The following CFAP299 variants were observed in gnomAD, a reference collection of about 807,000 sequenced individuals.
CFAP299 encodes cilia and flagella associated protein 299, also known as cilia- and flagella-associated protein 299.
A neutral mutation model predicts 27.0 loss-of-function variants in CFAP299; 21 were observed. That is an observed-to-expected ratio of 0.78 (90% CI 0.55 to 1.12). The LOEUF (loss-of-function observed/expected upper bound fraction) is 1.12. Ranked by LOEUF, CFAP299 falls within the 50% of genes most tolerant of loss-of-function variation. The pLI, the probability that CFAP299 is intolerant of heterozygous loss-of-function variation, is 0.00. For synonymous variants in CFAP299, 104 were observed against 98.1 expected (o/e 1.06, Z -0.36); for missense variants, 310 against 276.6 (o/e 1.12, Z -0.86).
chr4:80,376,937 C>G (rs1437272810), intron 2 of CFAP299, among the ~76,000 whole-genome samples: 1 of 152,074 alleles, frequency 6.6e-6, no homozygotes, highest in African/African-American at 2.4e-5. Context: ...TTTTTATGTG[C>G]TTATTTTCCA....
rs62303533 is a variant in CFAP299 at position 80,501,670 on chromosome 4, A to G, written c.243-81423A>G. On this transcript the variant is annotated intron_variant, in intron 2 of 5. Coordinates refer to ENST00000358105, the MANE Select transcript of CFAP299 (RefSeq NM_152770.3). ...GGATAAGCTTCTAAGAATTTGCTCA[A>G]CAGTTTGAATTTGTCTCAACATTTG... 9.0e-3 allele frequency among the ~76,000 whole-genome samples: 1,357 copies of G among 151,524 alleles called. 8 individuals carry two copies. Among genetic ancestry groups the G allele is most frequent in the Middle Eastern group, 0.024 (7 of 292 alleles).
chr4:80,426,181 T>A (rs541422990), intron 2 of CFAP299, among the ~76,000 whole-genome samples: 1 of 152,142 alleles, frequency 6.6e-6, no homozygotes, highest in South Asian at 2.1e-4. Flanking sequence ...ACATGTTAAC[T>A]ATTTCTATAT....
intron 3 of CFAP299, among the ~76,000 whole-genome samples, chr4:80,675,414 A>T (rs1287636105): frequency 6.6e-6 from 1 of 152,192 alleles, no homozygotes; most frequent in Non-Finnish European, 1.5e-5. Context: ...TTCCTCTGGA[A>T]GCTTCCTCCC....
At chr4:80,389,981 A>T (rs1252768058) in intron 2 of CFAP299, among the ~76,000 whole-genome samples, 2 of 152,118 alleles carry the variant, frequency 1.3e-5, no homozygotes, top group African/African-American at 4.8e-5. Context: ...TTCCAGAATT[A>T]TTAACATAGA....
chr4:80,746,237 C>T (rs17004984), intron 3 of CFAP299, among the ~76,000 whole-genome samples: 9,806 of 151,828 alleles, frequency 0.065, 387 homozygotes, highest in Middle Eastern at 0.088. Context: ...TAGAGAGTGT[C>T]GAAAGGATTT....
At chr4:80,792,153 G>A (rs1012142007) in intron 3 of CFAP299, among the ~76,000 whole-genome samples, 3 of 151,886 alleles carry the variant, frequency 2.0e-5, no homozygotes, top group African/African-American at 7.2e-5. Flanking sequence ...AAAATAAAAA[G>A]TTAAAATAAA....
rs371102129 is a variant in CFAP299, at chr4:80,655,214, A to G, written c.333+72031A>G. Among the ~76,000 whole-genome samples, 768 of 152,302 alleles carry G rather than the reference A, an allele frequency of 5.0e-3. 5 individuals carry two copies. Among genetic ancestry groups the G allele is most frequent in the Middle Eastern group, 0.02 (6 of 294 alleles). On this transcript the variant is annotated intron_variant, in intron 3 of 5. Coordinates refer to ENST00000358105, the MANE Select transcript of CFAP299 (RefSeq NM_152770.3). ...ATAGGTATTATCCATTTAATTATCC[A>G]TAACATATCGGTTGTGCATTTACTA... is the stretch of plus-strand genomic sequence containing the variant.
At chr4:80,937,934 A>G (rs1736994590) in intron 4 of CFAP299, among the ~76,000 whole-genome samples, 1 of 152,172 alleles carries the variant, frequency 6.6e-6, no homozygotes, top group African/African-American at 2.4e-5. Context: ...AATGAGGCTT[A>G]CATAAAACAT....
rs1473721703 is a variant in CFAP299, at chr4:80,386,118, G to A, written c.242+23234G>A. ...GGGAAGGATCTCCAGTCTGCCCCCA[G>A]GGAGCCTGGACCCAAACATGAGCAT... On this transcript the variant is annotated intron_variant, in intron 2 of 5. Transcript: ENST00000358105. The A allele has an allele frequency of 1.0e-5, 5 of 477,824 alleles. No homozygotes were observed. The East Asian group carries it at 1.5e-4, about 15-fold the overall frequency. 29.6% of individuals were successfully genotyped at this position (477,824 alleles called of 1,614,324 possible). A position where few individuals can be genotyped will look rare whatever the true frequency, so the allele number is the denominator to read the frequency against.
Position 80,728,865 on chromosome 4 carries a change from T to C in CFAP299, c.334-141128T>C, listed in dbSNP as rs1218531874. Among the ~76,000 whole-genome samples, 4 of 152,196 alleles carry C rather than the reference T, an allele frequency of 2.6e-5. No individual in the cohort carries two copies. In the East Asian group the frequency reaches 7.7e-4, roughly 29 times the overall value. The stretch of plus-strand genomic sequence containing the variant: ...TTAGTGTGAGAGAGGAATCCTATCT[T>C]CACTGGTGTGTGTCTACCTTTCTAA... On this transcript the variant is annotated intron_variant, in intron 3 of 5. Transcript: ENST00000358105.
At chr4:80,708,310 A>G (rs1366789591) in intron 3 of CFAP299, among the ~76,000 whole-genome samples, 4 of 152,020 alleles carry the variant, frequency 2.6e-5, no homozygotes, top group South Asian at 4.1e-4. Flanking sequence ...TTTGCAGACC[A>G]CCTAGATAAG....
intron 2 of CFAP299, among the ~76,000 whole-genome samples, chr4:80,395,827 ATAG>A (rs1429416810): frequency 6.6e-6 from 1 of 152,164 alleles, no homozygotes; most frequent in African/African-American, 2.4e-5. Context: ...ATTTACAACT[ATAG>A]TAGTAAACAT....
intron 2 of CFAP299, among the ~76,000 whole-genome samples, chr4:80,439,903 G>A (rs1360871702): frequency 6.6e-6 from 1 of 152,164 alleles, no homozygotes; most frequent in Admixed American, 6.5e-5. Flanking sequence ...TGAGTAAGTG[G>A]TTTTCTTCTC....
intron 3 of CFAP299, among the ~76,000 whole-genome samples, chr4:80,586,569 C>T (rs376482862): frequency 3.9e-5 from 6 of 152,108 alleles, no homozygotes; most frequent in Admixed American, 2.0e-4. Context: ...CTGTGCAAAC[C>T]GCTTTACTAT....
At chr4:80,787,735 A>G (rs934541669) in intron 3 of CFAP299, among the ~76,000 whole-genome samples, 8 of 152,076 alleles carry the variant, frequency 5.3e-5, no homozygotes, top group African/African-American at 1.7e-4. Flanking sequence ...TGGGTAGACT[A>G]CAGCCCACCT....
chr4:80,502,349 A>G (rs889816684), intron 2 of CFAP299, among the ~76,000 whole-genome samples: 2 of 152,112 alleles, frequency 1.3e-5, no homozygotes, highest in Non-Finnish European at 2.9e-5. Context: ...ATCAGTTTAC[A>G]TTAATGCCAT....
intron 3 of CFAP299, among the ~76,000 whole-genome samples, chr4:80,693,650 C>G (rs1360285070): frequency 6.6e-6 from 1 of 151,056 alleles, no homozygotes; most frequent in Admixed American, 6.6e-5. Context: ...ATGTAACTAA[C>G]CTGCACATTG....
chr4:80,572,535 T>TTTTTTTTTTTTTTTTGG (rs869059415), intron 2 of CFAP299, among the ~76,000 whole-genome samples: 1 of 127,998 alleles, frequency 7.8e-6, no homozygotes, highest in African/African-American at 3.0e-5. Context: ...TTTTTTTTTT[T>TTTTTTTTTTTTTTTTGG]GAGAGGGAGT....
Position 80,807,981 on chromosome 4 carries a change from A to G in CFAP299, c.334-62012A>G, listed in dbSNP as rs1418497791. On this transcript the variant is annotated intron_variant, in intron 3 of 5. Transcript: ENST00000358105. ...GCTACAAACAGAGAAAACCAAGAAA[A>G]TAAACTATCCATATCATGTGAGCAA... Among the ~76,000 whole-genome samples, 5 of 152,224 alleles carry G rather than the reference A, an allele frequency of 3.3e-5. No homozygotes were observed. In the East Asian group the frequency reaches 9.6e-4, roughly 29 times the overall value.
Sources: gnomAD v4.1 joint callset for allele counts (sites outside exome capture counted in the v4.1 genomes callset) on GRCh38, gnomAD v4.1.1 for gene constraint, MANE v1.5 for transcripts, NCBI Gene and HGNC (gene_info 2026-07-23, HGNC 2026-07-21) for gene names.